BTG4: variants seen among roughly 807,000 people sequenced by gnomAD.
BTG4 encodes the protein protein BTG4.
Under a neutral mutation model 19.3 loss-of-function variants are expected in BTG4, and 10 were observed. The ratio of observed to expected loss-of-function variants is 0.52; its 90% CI spans 0.32 to 0.88. BTG4 has a LOEUF of 0.88. Among genes scored for constraint, BTG4 ranks in the 40% least tolerant of loss-of-function variants. BTG4 has a pLI of 0.04. For missense variants in BTG4, 238 were observed against 281.9 expected, an observed-to-expected ratio of 0.84 and a Z score of 1.11; for synonymous variants, 91 against 95.7, an observed-to-expected ratio of 0.95 and a Z score of 0.29.
At chr11:111,422,164 G>A in the BTG4 span, among the ~76,000 whole-genome samples, 190 of 152,278 alleles carry the variant, frequency 1.2e-3, no homozygotes, top group African/African-American at 4.4e-3. Context: ...AGGATGCAGG[G>A]GAGGGTCTTC....
chr11:111,511,882 T>C (rs1198885702), intron 1 of BTG4, among the ~76,000 whole-genome samples: 2 of 152,226 alleles, frequency 1.3e-5, no homozygotes, highest in African/African-American at 2.4e-5. Context: ...CTGATACAAA[T>C]AGTTTCTACT....
chr11:111,419,920 T>A, the BTG4 span, among the ~76,000 whole-genome samples: 29 of 152,358 alleles, frequency 1.9e-4, no homozygotes, highest in African/African-American at 7.0e-4. Flanking sequence ...AGCTTCTAGA[T>A]GAACCAACCC....
At chr11:111,502,633 AAC>A (rs1301897968) in intron 1 of BTG4, among the ~76,000 whole-genome samples, 2 of 152,200 alleles carry the variant, frequency 1.3e-5, no homozygotes, top group African/African-American at 4.8e-5. Flanking sequence ...TGCATTAACA[AAC>A]ACAAAATTTT....
At chr11:111,409,477 G>A in the BTG4 span, among the ~76,000 whole-genome samples, 1 of 152,110 alleles carries the variant, frequency 6.6e-6, no homozygotes, top group Non-Finnish European at 1.5e-5. Context: ...AAGCCAGGAT[G>A]TCCCTCAGGT....
chr11:111,390,944 C>T, the BTG4 span, among the ~76,000 whole-genome samples: 4 of 152,292 alleles, frequency 2.6e-5, no homozygotes, highest in African/African-American at 9.6e-5. Flanking sequence ...GTTTGGATGG[C>T]CCAATTTATT....
At chr11:111,471,128 C>G (rs1470955275) in intron 5 of BTG4, among the ~76,000 whole-genome samples, 1 of 152,122 alleles carries the variant, frequency 6.6e-6, no homozygotes, top group East Asian at 1.9e-4. Context: ...TATAGTGTCA[C>G]TCGATCCACC....
chr11:111,510,499 A>G (rs1171174997), intron 1 of BTG4, among the ~76,000 whole-genome samples: 1 of 152,200 alleles, frequency 6.6e-6, no homozygotes, highest in Non-Finnish European at 1.5e-5. Context: ...AAACACCACA[A>G]GCATTCTTAC....
the BTG4 span, among the ~76,000 whole-genome samples, chr11:111,446,890 T>G: frequency 6.6e-6 from 1 of 152,222 alleles, no homozygotes; most frequent in Non-Finnish European, 1.5e-5. Context: ...CTATGGCTAC[T>G]GAGCACTTGA....
the BTG4 span, among the ~76,000 whole-genome samples, chr11:111,395,147 G>A: frequency 2.0e-5 from 3 of 152,254 alleles, no homozygotes; most frequent in African/African-American, 7.2e-5. Context: ...CCCAGGCCAG[G>A]TGGGCTTGGC....
chr11:111,495,321 A>T lies in BTG4; in HGVS notation c.511-7T>A, dbSNP rs765708783. On this transcript the variant is annotated splice_polypyrimidine_tract_variant and splice_region_variant and intron_variant, in intron 4 of 4. Coordinates refer to ENST00000692032, the MANE Select transcript of BTG4 (RefSeq NM_001367975.1). The stretch of plus-strand genomic sequence containing the variant: ...GCTGTTTCAAGTTTTCAACCTGGAA[A>T]AAAAAAGTATAAAGATCTCTAATAA... 6.2e-7 allele frequency: 1 copy of T among 1,607,374 alleles called. No homozygotes were observed. The highest frequency in any genetic ancestry group is 1.7e-5 in the Admixed American group (1 of 59,094).
At chr11:111,500,788 T>C (rs892377953) in intron 1 of BTG4, among the ~76,000 whole-genome samples, 9 of 152,006 alleles carry the variant, frequency 5.9e-5, no homozygotes, top group Admixed American at 5.9e-4. Context: ...GAACACAACC[T>C]CAGGTGGCTT....
At chr11:111,394,663 C>T in the BTG4 span, among the ~76,000 whole-genome samples, 1 of 152,196 alleles carries the variant, frequency 6.6e-6, no homozygotes, top group Non-Finnish European at 1.5e-5. Context: ...TGGTCCACCT[C>T]CACAGCCTCC....
the BTG4 span, among the ~76,000 whole-genome samples, chr11:111,409,092 C>T: frequency 1.3e-5 from 2 of 152,132 alleles, no homozygotes; most frequent in Admixed American, 6.5e-5. Flanking sequence ...GGTGTTTATG[C>T]AGATGTTTGT....
chr11:111,441,173 C>T, the BTG4 span, among the ~76,000 whole-genome samples: 2 of 149,390 alleles, frequency 1.3e-5, no homozygotes, highest in East Asian at 3.9e-4. Context: ...GCAAGCCATA[C>T]AAAAAGGAAT....
At chr11:111,513,399 C>G (rs761064180), upstream of BTG4, 1 of 533,980 alleles carries the variant, frequency 1.9e-6, no homozygotes, top group Non-Finnish European at 3.8e-6. Flanking sequence ...CCTGTCACAA[C>G]GTGTTGGGGT....
chr11:111,394,767 G>A, the BTG4 span, among the ~76,000 whole-genome samples: 1 of 151,874 alleles, frequency 6.6e-6, no homozygotes, highest in Admixed American at 6.6e-5. Context: ...GACAGACCTC[G>A]TCTTTAAGTA....
chr11:111,413,337 C>G, the BTG4 span, among the ~76,000 whole-genome samples: 1 of 152,260 alleles, frequency 6.6e-6, no homozygotes, highest in African/African-American at 2.4e-5. Flanking sequence ...TCCACTGAAT[C>G]AGAATCCACA....
the BTG4 span, among the ~76,000 whole-genome samples, chr11:111,410,132 A>G: frequency 2.0e-5 from 3 of 152,108 alleles, no homozygotes; most frequent in Non-Finnish European, 4.4e-5. Context: ...TAACTGCTCT[A>G]AGCCTCAACT....
At chr11:111,439,564 A>T in the BTG4 span, among the ~76,000 whole-genome samples, 1 of 151,730 alleles carries the variant, frequency 6.6e-6, no homozygotes, top group Non-Finnish European at 1.5e-5. Flanking sequence ...TCCTCCCAGA[A>T]CCCAGCTCCC....
Sources: allele counts gnomAD v4.1 joint callset (sites outside exome capture counted in the v4.1 genomes callset), GRCh38; gene constraint gnomAD v4.1.1; transcripts MANE v1.5; gene names NCBI Gene and HGNC (gene_info 2026-07-23, HGNC 2026-07-21).